PTAR1: variants seen among roughly 807,000 people sequenced by gnomAD.
The protein encoded by PTAR1 is protein prenyltransferase alpha subunit repeat-containing protein 1.
Under a neutral mutation model 45.5 loss-of-function variants are expected in PTAR1, and 17 were observed. The observed-to-expected ratio is 0.37, with a 90% CI of 0.26 to 0.56. The LOEUF (loss-of-function observed/expected upper bound fraction) is 0.56. PTAR1 is among the 20% of genes least tolerant of loss of function. PTAR1 has a pLI of 0.77. For missense variants in PTAR1, 391 were observed against 476.3 expected (o/e 0.82, Z 1.67); for synonymous variants, 169 against 171.3 (o/e 0.99, Z 0.11).
In PTAR1 at chr9:69,750,929, T is replaced by C. The variant is rs1024565856; in HGVS notation, c.108A>G (p.Pro36=). 6.2e-7 allele frequency: 1 copy of C among 1,600,628 alleles called. No individual in the cohort carries two copies. The highest frequency in any genetic ancestry group is 8.5e-7 in the Non-Finnish European group (1 of 1,173,852). ...TCCGGTTATACCTAGCTTCAGGACATGGGATCAGGCCAATTTCATCTCTTA... is the reference window on the plus strand; with the variant it reads ...TCCGGTTATACCTAGCTTCAGGACACGGGATCAGGCCAATTTCATCTCTTA... ...NPHIDEIGLI[P]CPEARYNRSP... The change falls in exon 2 of 8, where the codon CCA becomes CCG. Residue 36 remains proline (P), a synonymous_variant. Coordinates refer to ENST00000340434, the MANE Select transcript of PTAR1 (RefSeq NM_001099666.2).
At chr9:69,735,439 A>G (rs1825742637) in intron 3 of PTAR1, among the ~76,000 whole-genome samples, 1 of 152,214 alleles carries the variant, frequency 6.6e-6, no homozygotes, top group Non-Finnish European at 1.5e-5. Flanking sequence ...ATAGGAAAAC[A>G]AAGTCTGAAC....
chr9:69,722,957 A>AAG (rs1554715085), intron 6 of PTAR1, among the ~76,000 whole-genome samples: 16 of 151,572 alleles, frequency 1.1e-4, no homozygotes, highest in Non-Finnish European at 1.2e-4. Context: ...AAAAAAAAAA[A>AAG]AGAGAGATGG....
rs139803903 is a variant in PTAR1, at chr9:69,723,693, T to C, written c.643-63A>G. The stretch of plus-strand genomic sequence containing the variant: ...CCCAAAGGTTCTTCTTTCTCCATTA[T>C]TGCCTCTGATTTCTCTTTGATTTGT... On this transcript the variant is annotated intron_variant, in intron 5 of 7. Coordinates refer to ENST00000340434, the MANE Select transcript of PTAR1 (RefSeq NM_001099666.2). 810 of 1,248,160 alleles carry C rather than the reference T, an allele frequency of 6.5e-4. 9 individuals are homozygous for C. The African/African-American group carries it at 0.011, about 17-fold the overall frequency. The allele number at this position is 1,248,160 out of a possible 1,614,324, so 77.3% of individuals were successfully genotyped here.
chr9:69,733,740 T>C (rs1825655643), intron 4 of PTAR1, among the ~76,000 whole-genome samples: 1 of 152,168 alleles, frequency 6.6e-6, no homozygotes, highest in Non-Finnish European at 1.5e-5. Context: ...AACAACCAAA[T>C]GCTTTTAAAA....
chr9:69,737,107 TCTCA>T (rs770231273), intron 3 of PTAR1, among the ~76,000 whole-genome samples: 8 of 151,894 alleles, frequency 5.3e-5, no homozygotes, highest in Non-Finnish European at 1.0e-4. Context: ...TTAGATGGGG[TCTCA>T]CTGTCTTGCC....
chr9:69,745,318 A>G (rs368827123), intron 2 of PTAR1, among the ~76,000 whole-genome samples: 2 of 152,326 alleles, frequency 1.3e-5, no homozygotes. Flanking sequence ...AAGCCTCTGG[A>G]ATTTCTTTTG....
chr9:69,735,496 C>T (rs1825746420), intron 3 of PTAR1, among the ~76,000 whole-genome samples: 2 of 152,106 alleles, frequency 1.3e-5, no homozygotes, highest in South Asian at 2.1e-4. Context: ...TTTCTATCTG[C>T]GGTTGGTTGA....
intron 5 of PTAR1, chr9:69,731,835 T>G: frequency 2.8e-6 from 1 of 359,346 alleles, no homozygotes; most frequent in Non-Finnish European, 5.1e-6. Context: ...TCCAGTTCTA[T>G]AAGGCTTAAT....
In PTAR1 at chr9:69,712,180, T is replaced by C. The variant is rs530031283; in HGVS notation, c.*6162A>G. ...ATCTAAAGTATGCTGCATAGTACCT[T>C]GAGGAAAGTGACTGCTATACTTAAA... On this transcript the variant is annotated 3_prime_UTR_variant, in exon 8 of 8. Transcript: ENST00000340434. 1.9e-4 allele frequency: 29 copies of C among 152,208 alleles called. No homozygotes were observed. The highest frequency in any genetic ancestry group is 3.4e-3 in the Middle Eastern group (1 of 294). The allele number at this position is 152,208 out of a possible 1,614,324, so 9.4% of individuals were successfully genotyped here.
chr9:69,741,727 A>C (rs1826050824), intron 3 of PTAR1, 65 bp downstream of exon 3: 1 of 1,045,874 alleles, frequency 9.6e-7, no homozygotes, highest in African/African-American at 1.6e-5. Context: ...CTAACAACTT[A>C]TGGGGCTTAC....
At chr9:69,759,716 A>T (rs1219611669) in intron 1 of PTAR1, 137 bp downstream of exon 1, 2 of 803,754 alleles carry the variant, frequency 2.5e-6, no homozygotes, top group Non-Finnish European at 3.6e-6. Flanking sequence ...CCCGCCCGAC[A>T]CGGCTCTGCC....
Position 69,713,785 on chromosome 9 carries a change from T to C in PTAR1, c.*4557A>G, listed in dbSNP as rs1824615194. On this transcript the variant is annotated 3_prime_UTR_variant, in exon 8 of 8. Coordinates refer to ENST00000340434, the MANE Select transcript of PTAR1 (RefSeq NM_001099666.2). Reference sequence around the variant, plus strand: ...ACGTTAGTTGCCAGAAAGAAAGAACTAAATCTTGGTAGGGTGCTTAAAATG... The same window carrying C: ...ACGTTAGTTGCCAGAAAGAAAGAACCAAATCTTGGTAGGGTGCTTAAAATG... The C allele has an allele frequency of 6.6e-6, 1 of 152,038 alleles. No homozygotes were observed. The highest frequency in any genetic ancestry group is 1.5e-5 in the Non-Finnish European group (1 of 67,980). 9.4% of individuals were successfully genotyped at this position (152,038 alleles called of 1,614,324 possible).
At chr9:69,748,170 G>A (rs1826358916) in intron 2 of PTAR1, among the ~76,000 whole-genome samples, 1 of 152,076 alleles carries the variant, frequency 6.6e-6, no homozygotes, top group Non-Finnish European at 1.5e-5. Flanking sequence ...GCAGAAGACA[G>A]CTTTTAAAGA....
chr9:69,753,499 T>C (rs138846338), intron 1 of PTAR1, among the ~76,000 whole-genome samples: 1 of 152,100 alleles, frequency 6.6e-6, no homozygotes, highest in African/African-American at 2.4e-5. Context: ...TGGATGGAAA[T>C]AGATATATAC....
intron 1 of PTAR1, chr9:69,758,540 G>C (rs1051055997): frequency 1.1e-5 from 2 of 180,860 alleles, no homozygotes; most frequent in African/African-American, 4.7e-5. Flanking sequence ...TTTTGAAAAA[G>C]GCAGCAGTCA....
chr9:69,755,346 C>A (rs1011765253), intron 1 of PTAR1, among the ~76,000 whole-genome samples: 7 of 152,292 alleles, frequency 4.6e-5, no homozygotes, highest in African/African-American at 1.7e-4. Context: ...GGGATCCATT[C>A]ATTGGCTTCC....
intron 4 of PTAR1, among the ~76,000 whole-genome samples, chr9:69,733,601 G>A (rs1312364993): frequency 6.6e-6 from 1 of 152,146 alleles, no homozygotes; most frequent in African/African-American, 2.4e-5. Context: ...ACCTAAAAAT[G>A]TTCTTTGTAT....
At position 69,714,635 on chromosome 9, in the gene PTAR1, A is replaced by G. The variant is rs1338245165; in HGVS notation, c.*3707T>C. 6.6e-6 allele frequency: 1 copy of G among 152,064 alleles called. No individual in the cohort carries two copies. 9.4% of individuals were successfully genotyped at this position (152,064 alleles called of 1,614,324 possible). A position where few individuals can be genotyped will look rare whatever the true frequency, so the allele number is the denominator to read the frequency against. On this transcript the variant is annotated 3_prime_UTR_variant, in exon 8 of 8. Coordinates refer to ENST00000340434, the MANE Select transcript of PTAR1 (RefSeq NM_001099666.2). ...GCAAACTACTGCATAAAAATCCAAA[A>G]ACTTTTGTTTCCGTATCTTGTATCA... is the stretch of plus-strand genomic sequence containing the variant.
chr9:69,729,035 G>C (rs1825414204), intron 5 of PTAR1, among the ~76,000 whole-genome samples: 1 of 152,102 alleles, frequency 6.6e-6, no homozygotes, highest in Non-Finnish European at 1.5e-5. Flanking sequence ...AATTATATTA[G>C]GCTGCTGGGT....
Sources: allele counts gnomAD v4.1 joint callset (sites outside exome capture counted in the v4.1 genomes callset), GRCh38; gene constraint gnomAD v4.1.1; transcripts MANE v1.5; gene names NCBI Gene and HGNC (gene_info 2026-07-23, HGNC 2026-07-21).